Variants in USP34 observed in about 807,000 individuals in gnomAD.
USP34 encodes the protein ubiquitin carboxyl-terminal hydrolase 34.
A neutral mutation model predicts 460.3 loss-of-function variants in USP34; 70 were observed. The observed-to-expected ratio is 0.15, with a 90% confidence interval of 0.13 to 0.19. USP34 has a LOEUF of 0.19. Among genes scored for constraint, USP34 ranks in the 10% least tolerant of loss-of-function variants. The pLI, the probability that USP34 is intolerant of heterozygous loss-of-function variation, is 1.00. For missense variants in USP34, 3,985 were observed against 4,236.2 expected (o/e 0.94, Z 1.65); for synonymous variants, 1,647 against 1,405.3 (o/e 1.17, Z -3.85).
At chr2:61,398,836 T>C (rs1693623142) in intron 3 of USP34, among the ~76,000 whole-genome samples, 1 of 152,150 alleles carries the variant, frequency 6.6e-6, no homozygotes, top group African/African-American at 2.4e-5. Context: ...CTTAGAGAAA[T>C]GAAGTCTCAA....
At chr2:61,338,457 A>G (rs1487676063) in intron 18 of USP34, among the ~76,000 whole-genome samples, 4 of 152,270 alleles carry the variant, frequency 2.6e-5, no homozygotes, top group Non-Finnish European at 5.9e-5. Flanking sequence ...AGAACCAAAA[A>G]AAGAAAATAA....
At chr2:61,341,445 T>C (rs1691594940) in intron 16 of USP34, among the ~76,000 whole-genome samples, 1 of 152,198 alleles carries the variant, frequency 6.6e-6, no homozygotes, top group Middle Eastern at 3.2e-3. Flanking sequence ...GAGGTGAGTC[T>C]AGTAGAAGGC....
intron 2 of USP34, among the ~76,000 whole-genome samples, chr2:61,406,680 TA>T (rs35294882): frequency 1.4e-5 from 2 of 143,184 alleles, no homozygotes; most frequent in African/African-American, 2.6e-5. Context: ...CAAGCTCCTG[TA>T]AAAAAAAATA....
chr2:61,352,966 G>T (rs1691989320), intron 10 of USP34, among the ~76,000 whole-genome samples: 1 of 152,202 alleles, frequency 6.6e-6, no homozygotes, highest in Non-Finnish European at 1.5e-5. Flanking sequence ...AGCCGAATCA[G>T]ATGTAAGTAT....
chr2:61,396,283 T>G (rs963578432), intron 3 of USP34, among the ~76,000 whole-genome samples: 2 of 152,200 alleles, frequency 1.3e-5, no homozygotes, highest in Non-Finnish European at 2.9e-5. Context: ...TAAGTTCGTA[T>G]GAACTTTTTG....
chr2:61,399,874 CAAAAAAAAA>C (rs529141667), intron 3 of USP34, among the ~76,000 whole-genome samples: 1 of 69,984 alleles, frequency 1.4e-5, no homozygotes, highest in Non-Finnish European at 2.6e-5. Context: ...CACTGTCTCC[CAAAAAAAAA>C]AAAAAAAAGC....
intron 5 of USP34, among the ~76,000 whole-genome samples, chr2:61,387,604 CAT>C (rs753803312): frequency 2.9e-4 from 42 of 144,946 alleles, no homozygotes; most frequent in Middle Eastern, 7.4e-3. Flanking sequence ...TATATACACA[CAT>C]ATATAAAATA....
intron 67 of USP34, among the ~76,000 whole-genome samples, chr2:61,218,194 G>T (rs950126893): frequency 6.6e-6 from 1 of 150,738 alleles, no homozygotes; most frequent in African/African-American, 2.4e-5. Context: ...TTACGGTCAG[G>T]GGTCAAGACA....
intron 61 of USP34, 110 bp from the exon 62 acceptor site, chr2:61,227,328 T>C: frequency 3.2e-6 from 4 of 1,253,932 alleles, no homozygotes; most frequent in Middle Eastern, 2.5e-4. Flanking sequence ...GCTTGTAACA[T>C]GAAAAACAAC....
chr2:61,365,332 T>C (rs557936253), intron 10 of USP34, among the ~76,000 whole-genome samples: 4 of 151,572 alleles, frequency 2.6e-5, no homozygotes, highest in Admixed American at 6.6e-5. Context: ...TGTGTGTATA[T>C]ATGTATGTAT....
intron 12 of USP34, among the ~76,000 whole-genome samples, chr2:61,349,876 C>A (rs929027940): frequency 1.3e-4 from 19 of 151,192 alleles, no homozygotes; most frequent in African/African-American, 4.6e-4. Context: ...AACAAAAAAA[C>A]CCCACAAAGC....
chr2:61,441,552 C>T (rs1460284906), intron 1 of USP34, among the ~76,000 whole-genome samples: 1 of 152,128 alleles, frequency 6.6e-6, no homozygotes, highest in Non-Finnish European at 1.5e-5. Flanking sequence ...AGAGGTGCCC[C>T]TGTGTCCCTG....
chr2:61,203,619 A>G (rs1394412045), intron 74 of USP34, among the ~76,000 whole-genome samples: 16 of 152,180 alleles, frequency 1.1e-4, no homozygotes, highest in Admixed American at 1.0e-3. Flanking sequence ...ATTATTTTAA[A>G]TATTTTATCT....
Position 61,257,365 on chromosome 2 carries a change from G to C in USP34, c.5845-15C>G, listed in dbSNP as rs759940865. On this transcript the variant is annotated splice_polypyrimidine_tract_variant and intron_variant, in intron 44 of 79. Transcript: ENST00000398571. ...CATTCACTCTCCTGCAAATAAAAAGGGGAACATTCTAAGTGTCAGATAAAA... is the reference window on the plus strand; with the variant it reads ...CATTCACTCTCCTGCAAATAAAAAGCGGAACATTCTAAGTGTCAGATAAAA... 1 of 1,551,912 alleles carries C rather than the reference G, an allele frequency of 6.4e-7. No individual in the cohort carries two copies. Among genetic ancestry groups the C allele is most frequent in the South Asian group, 1.3e-5 (1 of 77,962 alleles).
rs377220973 is a variant in USP34 at position 61,208,887 on chromosome 2, T to C, written c.8919+12A>G. The C allele has an allele frequency of 9.0e-5, 140 of 1,563,930 alleles. No individual in the cohort carries two copies. The highest frequency in any genetic ancestry group is 3.1e-4 in the African/African-American group (23 of 73,280). Reference sequence around the variant, plus strand: ...AGATAATATCCACAGTAAAATGCAATAGAATATTTACCTCTGTCATTAGAA... The same window carrying C: ...AGATAATATCCACAGTAAAATGCAACAGAATATTTACCTCTGTCATTAGAA... On this transcript the variant is annotated intron_variant, in intron 70 of 79. Coordinates refer to ENST00000398571, the MANE Select transcript of USP34 (RefSeq NM_014709.4).
chr2:61,269,765 C>T (rs1204659634), intron 41 of USP34, among the ~76,000 whole-genome samples: 2 of 151,818 alleles, frequency 1.3e-5, no homozygotes, highest in East Asian at 3.9e-4. Flanking sequence ...CCTTAAAAGG[C>T]TCCTGTTTTT....
At chr2:61,443,956 G>A (rs1695040382) in intron 1 of USP34, among the ~76,000 whole-genome samples, 3 of 152,144 alleles carry the variant, frequency 2.0e-5, no homozygotes, top group African/African-American at 7.2e-5. Flanking sequence ...CAATTTTGGT[G>A]TGAACTAAAA....
intron 41 of USP34, among the ~76,000 whole-genome samples, chr2:61,274,752 C>T (rs566699220): frequency 6.6e-6 from 1 of 152,220 alleles, no homozygotes; most frequent in African/African-American, 2.4e-5. Context: ...GTTGTAGGTA[C>T]AGCCATAAAT....
intron 20 of USP34, among the ~76,000 whole-genome samples, chr2:61,327,573 G>T (rs1572938450): frequency 6.6e-6 from 1 of 152,164 alleles, no homozygotes; most frequent in East Asian, 1.9e-4. Context: ...AAACATAAAA[G>T]GAGAATAAAG....
Sources: gnomAD v4.1 joint callset for allele counts (sites outside exome capture counted in the v4.1 genomes callset) on GRCh38, gnomAD v4.1.1 for gene constraint, MANE v1.5 for transcripts, NCBI Gene and HGNC (gene_info 2026-07-23, HGNC 2026-07-21) for gene names.